ZBTB44: variants seen among roughly 807,000 people sequenced by gnomAD.
ZBTB44 encodes zinc finger and BTB domain-containing protein 44.
A neutral mutation model predicts 54.0 loss-of-function variants in ZBTB44; 15 were observed. That is an observed-to-expected ratio of 0.28 (90% CI 0.19 to 0.43). ZBTB44 has a LOEUF of 0.43. Among genes scored for constraint, ZBTB44 ranks in the 20% least tolerant of loss-of-function variants. The pLI is 1.00. For missense variants in ZBTB44, 487 were observed against 707.1 expected, an observed-to-expected ratio of 0.69 and a Z score of 3.53; for synonymous variants, 230 against 250.1, an observed-to-expected ratio of 0.92 and a Z score of 0.76.
Position 130,271,837 on chromosome 11 carries a change from A to T in ZBTB44, c.-56-9908T>A, listed in dbSNP as rs1939692744. Among the ~76,000 whole-genome samples the T allele has an allele frequency of 3.9e-5, 6 of 152,288 alleles. No homozygotes were observed. The South Asian group carries it at 1.2e-3, about 32-fold the overall frequency. On this transcript the variant is annotated intron_variant, in intron 1 of 7. Transcript: ENST00000357899. ...TTTCAGTTTGTTGGGTATATGTGTA[A>T]GACAGGAATTGCTGGGTCATATGGT...
rs1419138073 is a variant in ZBTB44 at position 130,229,709 on chromosome 11, A to G, written c.*2055T>C. The G allele has an allele frequency of 6.6e-6, 1 of 152,168 alleles. No individual in the cohort carries two copies. 9.4% of individuals were successfully genotyped at this position (152,168 alleles called of 1,614,324 possible). ...CCCCAATTTTGTTTCACTGCTTCAG[A>G]AAAGAAAATTTAGCTTTTATACATT... is the stretch of plus-strand genomic sequence containing the variant. On this transcript the variant is annotated 3_prime_UTR_variant, in exon 8 of 8. Transcript: ENST00000357899.
chr11:130,261,531 TG>T lies in ZBTB44; in HGVS notation c.342del (p.Phe114LeufsTer11), dbSNP rs1938864960. ...AACTCTGAGCAGGTGCTGGCAACAC[TG>T]AACATTTGCATATAGCTGGCTGCTG... The part of the protein sequence containing the change: ...VLAAASYMQM[F>X]SVASTCSEFM... On this transcript the variant is annotated frameshift_variant, in exon 2 of 8. Transcript: ENST00000357899. LOFTEE classifies it high-confidence loss of function. This position sits in a 1 kb window ranked among gnomAD's most constrained non-coding sequence, Gnocchi z 4.8. 1 of 1,613,914 alleles carries T rather than the reference TG, an allele frequency of 6.2e-7. No homozygotes were observed. The highest frequency in any genetic ancestry group is 8.5e-7 in the Non-Finnish European group (1 of 1,179,900).
At chr11:130,233,763 C>T (rs1953985170) in intron 6 of ZBTB44, 1 of 1,154,840 alleles carries the variant, frequency 8.7e-7, no homozygotes, top group Non-Finnish European at 1.1e-6. Context: ...CCTTAAGTCT[C>T]ATAGTTTCTG....
chr11:130,269,688 T>C (rs2134184770), intron 1 of ZBTB44, among the ~76,000 whole-genome samples: 1 of 152,280 alleles, frequency 6.6e-6, no homozygotes, highest in South Asian at 2.1e-4. Flanking sequence ...AGTAGATTGG[T>C]TTAAGTTAGA....
intron 1 of ZBTB44, among the ~76,000 whole-genome samples, chr11:130,281,906 A>C (rs2134277848): frequency 6.6e-6 from 1 of 152,180 alleles, no homozygotes; most frequent in East Asian, 1.9e-4. Flanking sequence ...CGCCCGGCCT[A>C]TTGTTTTGAT....
At chr11:130,259,389 G>A (rs111564613) in intron 2 of ZBTB44, among the ~76,000 whole-genome samples, 1,968 of 152,334 alleles carry the variant, frequency 0.013, 46 homozygotes, top group African/African-American at 0.045. Context: ...GTGGAAGACA[G>A]TGTGGCGATT....
At chr11:130,234,521 A>T (rs945592411) in intron 5 of ZBTB44, among the ~76,000 whole-genome samples, 2 of 152,240 alleles carry the variant, frequency 1.3e-5, no homozygotes, top group African/African-American at 4.8e-5. Context: ...CACTTTCATT[A>T]TAACTCTGGA....
intron 1 of ZBTB44, among the ~76,000 whole-genome samples, chr11:130,293,502 G>A (rs1371124780): frequency 1.4e-4 from 20 of 144,838 alleles, no homozygotes; most frequent in Admixed American, 9.6e-4. Context: ...CCATTTGGCC[G>A]GGTGTGGTGG....
At chr11:130,300,553 A>G (rs575749866) in intron 1 of ZBTB44, among the ~76,000 whole-genome samples, 33 of 152,336 alleles carry the variant, frequency 2.2e-4, no homozygotes, top group African/African-American at 7.9e-4. Flanking sequence ...GAAAAAAGTG[A>G]AGGCGGGGTA....
At chr11:130,281,886 T>G (rs998323813) in intron 1 of ZBTB44, among the ~76,000 whole-genome samples, 2 of 152,186 alleles carry the variant, frequency 1.3e-5, no homozygotes, top group African/African-American at 4.8e-5. Flanking sequence ...ATTATAGGCG[T>G]GAGCCACCGC....
In ZBTB44 at chr11:130,227,010, A is replaced by C. The variant is rs1953716028; in HGVS notation, c.*4754T>G. The C allele has an allele frequency of 6.6e-6, 1 of 152,246 alleles. No individual in the cohort carries two copies. Among genetic ancestry groups the C allele is most frequent in the Non-Finnish European group, 1.5e-5 (1 of 68,052 alleles). 9.4% of individuals were successfully genotyped at this position (152,246 alleles called of 1,614,324 possible). On this transcript the variant is annotated 3_prime_UTR_variant, in exon 8 of 8. Transcript: ENST00000357899. ...TTCACAAAGCAAACACTATAGGCTC[A>C]GAACAGATTTGAAAAAACATGATAT...
chr11:130,246,624 T>C (rs1487815075), intron 2 of ZBTB44, among the ~76,000 whole-genome samples: 1 of 152,222 alleles, frequency 6.6e-6, no homozygotes, highest in Non-Finnish European at 1.5e-5. Context: ...AAGATCCCTC[T>C]GGAATTGAAA....
rs199559931 is a variant in ZBTB44, at chr11:130,294,829, CCTAT to C, written c.-57+19542_-57+19545del. On this transcript the variant is annotated intron_variant, in intron 1 of 7. Transcript: ENST00000357899. The stretch of plus-strand genomic sequence containing the variant: ...CTAGAAAGAAAGACTGAATAGAGGG[CCTAT>C]CTATCTTATTCATCCATTTGGCTCC... Among the ~76,000 whole-genome samples, 1,321 of 152,144 alleles carry C rather than the reference CCTAT, an allele frequency of 8.7e-3. 9 individuals carry two copies. Among genetic ancestry groups the C allele is most frequent in the African/African-American group, 0.022 (896 of 41,494 alleles).
At chr11:130,295,803 C>T (rs958729527) in intron 1 of ZBTB44, 55 of 1,393,540 alleles carry the variant, frequency 3.9e-5, no homozygotes, top group Admixed American at 8.4e-5. Flanking sequence ...GGAATGCATG[C>T]GGAGTCCTTG....
At chr11:130,241,095 T>C (rs1056793542) in intron 2 of ZBTB44, among the ~76,000 whole-genome samples, 3 of 152,246 alleles carry the variant, frequency 2.0e-5, no homozygotes, top group African/African-American at 7.2e-5. Context: ...GTTTATAATA[T>C]TCATCATTAT....
At chr11:130,267,056 A>T (rs1939301983) in intron 1 of ZBTB44, among the ~76,000 whole-genome samples, 1 of 152,102 alleles carries the variant, frequency 6.6e-6, no homozygotes, top group Non-Finnish European at 1.5e-5. Flanking sequence ...CTTGAGCTCA[A>T]GAGTTCAAGA....
chr11:130,282,801 C>T (rs1335544881), intron 1 of ZBTB44, among the ~76,000 whole-genome samples: 6 of 152,104 alleles, frequency 3.9e-5, no homozygotes, highest in African/African-American at 4.8e-5. Context: ...CCACGACACA[C>T]GACAGCAGAT....
At chr11:130,265,412 A>AG (rs1459416500) in intron 1 of ZBTB44, among the ~76,000 whole-genome samples, 1 of 152,224 alleles carries the variant, frequency 6.6e-6, no homozygotes. Flanking sequence ...TTTAGTAGAG[A>AG]GGGGGTTTCA....
At chr11:130,286,517 C>T (rs1435216839) in intron 1 of ZBTB44, among the ~76,000 whole-genome samples, 1 of 152,172 alleles carries the variant, frequency 6.6e-6, no homozygotes, top group Non-Finnish European at 1.5e-5. Flanking sequence ...GTATCCCTGT[C>T]CCTTTGAACT....
Sources: allele counts gnomAD v4.1 joint callset (sites outside exome capture counted in the v4.1 genomes callset), GRCh38; gene constraint gnomAD v4.1.1; non-coding constraint Gnocchi (gnomAD v3.1); transcripts MANE v1.5; gene names NCBI Gene and HGNC (gene_info 2026-07-23, HGNC 2026-07-21).